TCEA1: variants seen among roughly 807,000 people sequenced by gnomAD.
TCEA1 encodes the protein transcription elongation factor A protein 1.
In TCEA1, 21 loss-of-function variants were observed where a neutral mutation model predicts 43.8. The observed-to-expected ratio is 0.48, with a 90% CI of 0.34 to 0.69. The LOEUF is 0.69. Among genes scored for constraint, TCEA1 ranks in the 30% least tolerant of loss-of-function variants. TCEA1 has a pLI of 0.01. For synonymous variants in TCEA1, 104 were observed against 117.5 expected, an observed-to-expected ratio of 0.88 and a Z score of 0.75; for missense variants, 250 against 365.1, an observed-to-expected ratio of 0.68 and a Z score of 2.57.
chr8:53,970,502 T>G, intron 8 of TCEA1, 39 bp from the exon 9 acceptor site: 1 of 1,318,976 alleles, frequency 7.6e-7, no homozygotes, highest in South Asian at 1.3e-5. Flanking sequence ...TTTGCAGTAC[T>G]ATTAAAAAAC....
intron 2 of TCEA1, 23 bp downstream of exon 2, chr8:54,010,407 C>CT: frequency 6.3e-7 from 1 of 1,575,750 alleles, no homozygotes; most frequent in Non-Finnish European, 8.6e-7. Context: ...ATTAAAAAAA[C>CT]TTTGATGCAT....
chr8:53,969,932 G>A (rs1265198736), intron 9 of TCEA1, among the ~76,000 whole-genome samples: 6 of 152,154 alleles, frequency 3.9e-5, no homozygotes, highest in African/African-American at 1.4e-4. Context: ...TGAAGGCTTA[G>A]TGAAAAGCCT....
chr8:53,973,076 C>T (rs1803212982), intron 8 of TCEA1: 1 of 667,398 alleles, frequency 1.5e-6, no homozygotes, highest in Non-Finnish European at 2.9e-6. Context: ...TTCAAGACTA[C>T]TTAGCTTCCT....
In TCEA1 at chr8:53,970,291, T is replaced by C. The variant is rs570247153; in HGVS notation, c.897+101A>G. On this transcript the variant is annotated intron_variant, in intron 9 of 9. Transcript: ENST00000521604. Reference sequence around the variant, plus strand: ...ACAAGAGTACTGTATAGTGTGAGCATATCTGTATATATTTAGATATCTAGG... The same window carrying C: ...ACAAGAGTACTGTATAGTGTGAGCACATCTGTATATATTTAGATATCTAGG... 4.4e-4 allele frequency: 362 copies of C among 813,514 alleles called. 1 individual carries two copies. In the South Asian group the frequency reaches 4.9e-3, roughly 11 times the overall value. 50.4% of individuals were successfully genotyped at this position (813,514 alleles called of 1,614,324 possible). A position where few individuals can be genotyped will look rare whatever the true frequency, so the allele number is the denominator to read the frequency against.
intron 6 of TCEA1, among the ~76,000 whole-genome samples, chr8:53,986,063 C>T (rs1803681191): frequency 6.6e-6 from 1 of 152,184 alleles, no homozygotes; most frequent in Non-Finnish European, 1.5e-5. Flanking sequence ...ACTTTGAATT[C>T]TATACCAACA....
At chr8:54,021,927 G>A in intron 1 of TCEA1, 136 bp downstream of exon 1, 2 of 828,810 alleles carry the variant, frequency 2.4e-6, no homozygotes, top group Non-Finnish European at 3.4e-6. Context: ...CCTCCCCGGG[G>A]ACGCGGGCGC....
At chr8:53,978,278 A>G (rs972096159) in intron 8 of TCEA1, among the ~76,000 whole-genome samples, 1 of 152,202 alleles carries the variant, frequency 6.6e-6, no homozygotes, top group African/African-American at 2.4e-5. Flanking sequence ...TCATTCTTAC[A>G]CTTAAGAAAG....
chr8:54,012,962 CAAAAAAAAAAA>C (rs72062714), intron 1 of TCEA1, among the ~76,000 whole-genome samples: 1 of 76,966 alleles, frequency 1.3e-5, no homozygotes, highest in Non-Finnish European at 2.9e-5. Flanking sequence ...ACGACGACGA[CAAAAAAAAAAA>C]AAAAAAAAAA....
At chr8:54,016,027 G>A (rs1804813023) in intron 1 of TCEA1, among the ~76,000 whole-genome samples, 1 of 152,124 alleles carries the variant, frequency 6.6e-6, no homozygotes, top group South Asian at 2.1e-4. Flanking sequence ...AAATGATATT[G>A]GTGAAAATGA....
At chr8:54,003,775 C>T (rs1162024840) in intron 2 of TCEA1, among the ~76,000 whole-genome samples, 1 of 151,392 alleles carries the variant, frequency 6.6e-6, no homozygotes, top group Non-Finnish European at 1.5e-5. Context: ...CGCAAGCAAT[C>T]AAAGAAAAAA....
chr8:53,973,467 AAAG>A (rs1803229490), intron 8 of TCEA1: 1 of 495,586 alleles, frequency 2.0e-6, no homozygotes. Flanking sequence ...GTACTTTGCT[AAAG>A]AAGTTTAAAA....
At chr8:54,017,261 G>A (rs1804861119) in intron 1 of TCEA1, among the ~76,000 whole-genome samples, 1 of 152,066 alleles carries the variant, frequency 6.6e-6, no homozygotes, top group African/African-American at 2.4e-5. Flanking sequence ...TACACTAAAA[G>A]CCACTGAATT....
chr8:54,010,118 T>A, intron 2 of TCEA1: 1 of 288,064 alleles, frequency 3.5e-6, no homozygotes, highest in South Asian at 4.0e-5. Context: ...CAGCTATCAA[T>A]AATAGATCAA....
At chr8:54,001,431 G>A (rs746794811) in intron 2 of TCEA1, among the ~76,000 whole-genome samples, 13 of 152,168 alleles carry the variant, frequency 8.5e-5, no homozygotes, top group African/African-American at 1.2e-4. Context: ...TGGCTAGAGT[G>A]TCCTATATCT....
At chr8:53,987,289 T>G (rs11997954) in intron 5 of TCEA1, among the ~76,000 whole-genome samples, 1 of 152,020 alleles carries the variant, frequency 6.6e-6, no homozygotes, top group African/African-American at 2.4e-5. Flanking sequence ...GGCAATTCAT[T>G]TTTCGTAACT....
chr8:54,012,559 AAAAAAAC>A (rs1586036471), intron 1 of TCEA1, among the ~76,000 whole-genome samples: 1 of 152,190 alleles, frequency 6.6e-6, no homozygotes, highest in South Asian at 2.1e-4. Context: ...ACTCCGTCTC[AAAAAAAC>A]AAAAAACAAA....
At chr8:54,002,094 A>G (rs1804287044) in intron 2 of TCEA1, among the ~76,000 whole-genome samples, 1 of 150,962 alleles carries the variant, frequency 6.6e-6, no homozygotes, top group Non-Finnish European at 1.5e-5. Context: ...ACTTGAACCC[A>G]GAAGGCAGAA....
At chr8:53,987,063 C>T (rs1275795719) in intron 5 of TCEA1, 38 bp from the exon 6 acceptor site, 1 of 1,520,648 alleles carries the variant, frequency 6.6e-7, no homozygotes, top group South Asian at 1.2e-5. Context: ...ATTATTGTAA[C>T]AGATTAAAAG....
Position 54,014,528 on chromosome 8 carries a change from A to C in TCEA1, c.64-4036T>G, listed in dbSNP as rs1804758793. Among the ~76,000 whole-genome samples, 5 of 152,382 alleles carry C rather than the reference A, an allele frequency of 3.3e-5. No homozygotes were observed. In the South Asian group the frequency reaches 1.0e-3, roughly 32 times the overall value. On this transcript the variant is annotated intron_variant, in intron 1 of 9. Transcript: ENST00000521604. ...CCTACAGATGATGCAAGAGAAAGAA[A>C]GACTCTTCTTTAATTTCCAGAGCCA...
Sources: allele counts gnomAD v4.1 joint callset (sites outside exome capture counted in the v4.1 genomes callset), GRCh38; gene constraint gnomAD v4.1.1; transcripts MANE v1.5; gene names NCBI Gene and HGNC (gene_info 2026-07-23, HGNC 2026-07-21).